P3H2: variants seen among roughly 807,000 people sequenced by gnomAD.
P3H2 encodes leprecan-like 1.
In P3H2, 80 loss-of-function variants were observed where a neutral mutation model predicts 87.0. The ratio of observed to expected loss-of-function variants is 0.92; its 90% CI spans 0.77 to 1.11. The LOEUF (loss-of-function observed/expected upper bound fraction) is 1.11. Ranked by LOEUF, P3H2 falls within the 50% of genes least tolerant of loss-of-function variation. The probability of loss-of-function intolerance (pLI) is 0.00; values close to 1 mark genes in which losing one functional copy is unlikely to be tolerated. For missense variants in P3H2, 1,001 were observed against 923.9 expected (o/e 1.08, Z -1.08); for synonymous variants, 367 against 359.3 (o/e 1.02, Z -0.24).
chr3:190,093,252 T>C (rs1312174091), intron 1 of P3H2, among the ~76,000 whole-genome samples: 1 of 152,234 alleles, frequency 6.6e-6, no homozygotes, highest in Non-Finnish European at 1.5e-5. Context: ...TTGTCTGCAG[T>C]GCTCAGTGAA....
rs559735131 is a variant in P3H2 at position 190,034,873 on chromosome 3, G to A, written c.481-39431C>T. On this transcript the variant is annotated intron_variant, in intron 1 of 14. Transcript: ENST00000319332. ...CTTTTCTTTTTTTTTTTTTGAGACGGCATTTCACTCTGTTGCCCAGGCAGG... is the reference window on the plus strand; with the variant it reads ...CTTTTCTTTTTTTTTTTTTGAGACGACATTTCACTCTGTTGCCCAGGCAGG... Among the ~76,000 whole-genome samples the A allele has an allele frequency of 5.1e-3, 761 of 147,830 alleles. 9 individuals are homozygous for A. The highest frequency in any genetic ancestry group is 0.019 in the African/African-American group (740 of 39,894).
intron 1 of P3H2, among the ~76,000 whole-genome samples, chr3:190,084,023 A>T (rs573814050): frequency 6.6e-6 from 1 of 152,210 alleles, no homozygotes; most frequent in Non-Finnish European, 1.5e-5. Context: ...ATCAAAAGAT[A>T]TTTCTTATAG....
At chr3:189,972,048 C>T (rs1250063223) in intron 11 of P3H2, 41 bp from the exon 12 acceptor site, 2 of 1,192,764 alleles carry the variant, frequency 1.7e-6, no homozygotes, top group Non-Finnish European at 1.3e-6. Context: ...AAATGAAGTG[C>T]AGCAACTTCC....
intron 1 of P3H2, among the ~76,000 whole-genome samples, chr3:190,086,445 C>T (rs949110055): frequency 6.6e-6 from 1 of 152,188 alleles, no homozygotes; most frequent in Non-Finnish European, 1.5e-5. Flanking sequence ...TCTCTAATTC[C>T]CAACCTGCAG....
At chr3:189,970,475 A>G (rs1200983530) in intron 13 of P3H2, among the ~76,000 whole-genome samples, 1 of 151,578 alleles carries the variant, frequency 6.6e-6, no homozygotes, top group Non-Finnish European at 1.5e-5. Context: ...CTTATTCTAG[A>G]CTTGGGTGAC....
chr3:190,103,286 C>T (rs1286603228), intron 1 of P3H2, among the ~76,000 whole-genome samples: 1 of 152,154 alleles, frequency 6.6e-6, no homozygotes, highest in East Asian at 1.9e-4. Flanking sequence ...GTGCAAGACT[C>T]AAATAGTACT....
intron 1 of P3H2, among the ~76,000 whole-genome samples, chr3:190,069,585 C>T (rs1726627921): frequency 6.6e-6 from 1 of 152,156 alleles, no homozygotes; most frequent in African/African-American, 2.4e-5. Flanking sequence ...TGTTAAAATT[C>T]TACCCATATC....
chr3:190,069,518 T>C (rs944118972), intron 1 of P3H2, among the ~76,000 whole-genome samples: 58 of 152,182 alleles, frequency 3.8e-4, no homozygotes, highest in African/African-American at 1.3e-3. Flanking sequence ...CTCTGTAAGA[T>C]TTACAGCATG....
In P3H2 at chr3:189,994,112, G is replaced by T; in HGVS notation, c.805C>A (p.Leu269Met). 1 of 1,612,662 alleles carries T rather than the reference G, an allele frequency of 6.2e-7. No individual in the cohort carries two copies. The highest frequency in any genetic ancestry group is 2.2e-5 in the East Asian group (1 of 44,874). Reference sequence around the variant, plus strand: ...CTTTTACCTGCAATAGCTTCATACAGACCAGCCTTATACCCTAAATACTCA... The same window carrying T: ...CTTTTACCTGCAATAGCTTCATACATACCAGCCTTATACCCTAAATACTCA... ...EYEYLGYKAG[L>M]YEAIADHYMQ... The change falls in exon 3 of 15, where the codon CTG (leucine) becomes ATG (methionine). Residue 269 changes from leucine to methionine, a missense_variant. Coordinates refer to ENST00000319332, the MANE Select transcript of P3H2 (RefSeq NM_018192.4).
chr3:189,988,765 G>A, intron 4 of P3H2, 142 bp downstream of exon 4: 1 of 1,050,636 alleles, frequency 9.5e-7, no homozygotes, highest in South Asian at 1.3e-5. Context: ...TTGTCCTGCA[G>A]CTCAGGAGAG....
intron 1 of P3H2, among the ~76,000 whole-genome samples, chr3:189,999,558 G>A (rs1008816457): frequency 6.6e-6 from 1 of 152,134 alleles, no homozygotes; most frequent in East Asian, 1.9e-4. Context: ...TCAGTACTAG[G>A]TTTCAGCTAA....
chr3:189,973,503 C>CTT (rs1723241550), intron 10 of P3H2, among the ~76,000 whole-genome samples: 1 of 38,522 alleles, frequency 2.6e-5, no homozygotes, highest in African/African-American at 7.2e-5. Context: ...TTCTTTCTTT[C>CTT]TTTCTTTCTT....
intron 1 of P3H2, among the ~76,000 whole-genome samples, chr3:190,107,512 A>T (rs1711894981): frequency 6.6e-6 from 1 of 152,148 alleles, no homozygotes; most frequent in Non-Finnish European, 1.5e-5. Context: ...TCCTTTCATC[A>T]ACCCTATGAG....
intron 8 of P3H2, among the ~76,000 whole-genome samples, chr3:189,982,474 A>G (rs759537388): frequency 3.3e-5 from 5 of 152,210 alleles, no homozygotes; most frequent in Non-Finnish European, 7.3e-5. Flanking sequence ...TTCATCTTAC[A>G]TAAGTAGGCA....
rs146235073 is a variant in P3H2 at position 190,058,212 on chromosome 3, C to T, written c.480+62040G>A. Among the ~76,000 whole-genome samples the T allele has an allele frequency of 2.1e-3, 315 of 152,196 alleles. 4 individuals are homozygous for T. Among genetic ancestry groups the T allele is most frequent in the African/African-American group, 7.2e-3 (299 of 41,546 alleles). On this transcript the variant is annotated intron_variant, in intron 1 of 14. Coordinates refer to ENST00000319332, the MANE Select transcript of P3H2 (RefSeq NM_018192.4). ...AAATGCCTTGTACATAGATTTTAGT[C>T]CCTATCTGTCAACTGGCTTGTTGAA...
chr3:190,039,430 C>T (rs1725532022), intron 1 of P3H2, among the ~76,000 whole-genome samples: 1 of 152,200 alleles, frequency 6.6e-6, no homozygotes, highest in Non-Finnish European at 1.5e-5. Flanking sequence ...ATGATAACTT[C>T]ATGAAATATA....
chr3:190,024,843 A>C (rs1306043260), intron 1 of P3H2, among the ~76,000 whole-genome samples: 1 of 152,206 alleles, frequency 6.6e-6, no homozygotes, highest in Non-Finnish European at 1.5e-5. Context: ...AGACAATGTT[A>C]ATATTGGAGT....
Position 189,972,998 on chromosome 3 carries a change from C to T in P3H2, c.1575G>A (p.Leu525=). The stretch of plus-strand genomic sequence containing the variant: ...TGTCATAAAACAGACGAGCGCTCTT[C>T]AGTGGGACTCGACCTTCATAACCAG... ...LKSGYEGRVP[L]KSARLFYDIS... Residue 525 remains leucine, a synonymous_variant, in exon 11 of 15, where the codon CTG becomes CTA. Transcript: ENST00000319332. 6.2e-7 allele frequency: 1 copy of T among 1,611,532 alleles called. No homozygotes were observed. The highest frequency in any genetic ancestry group is 8.5e-7 in the Non-Finnish European group (1 of 1,179,480).
chr3:190,096,567 G>C (rs534006342), intron 1 of P3H2, among the ~76,000 whole-genome samples: 1 of 152,272 alleles, frequency 6.6e-6, no homozygotes, highest in Non-Finnish European at 1.5e-5. Context: ...GTGTGAAAAT[G>C]AACTAATACA....
Sources: gnomAD v4.1 joint callset for allele counts (sites outside exome capture counted in the v4.1 genomes callset) on GRCh38, gnomAD v4.1.1 for gene constraint, MANE v1.5 for transcripts, NCBI Gene and HGNC (gene_info 2026-07-23, HGNC 2026-07-21) for gene names.